The following GRID2 variants were observed in gnomAD, a reference collection of about 807,000 sequenced individuals.
GRID2 encodes glutamate ionotropic receptor delta type subunit 2.
Under a neutral mutation model 114.8 loss-of-function variants are expected in GRID2, and 33 were observed. The observed-to-expected ratio is 0.29, with a 90% CI of 0.22 to 0.38. The LOEUF is 0.38. Ranked by LOEUF, GRID2 falls within the 10% of genes least tolerant of loss-of-function variation. The pLI is 1.00. For synonymous variants in GRID2, 505 were observed against 449.9 expected, an observed-to-expected ratio of 1.12 and a Z score of -1.55; for missense variants, 1,184 against 1,257.7, an observed-to-expected ratio of 0.94 and a Z score of 0.89.
chr4:92,393,559 A>G (rs1317967364), intron 1 of GRID2, among the ~76,000 whole-genome samples: 1 of 152,154 alleles, frequency 6.6e-6, no homozygotes, highest in Non-Finnish European at 1.5e-5. Flanking sequence ...ACAGTTAATT[A>G]TGTAAGGAAA....
At chr4:92,396,495 A>G (rs1321918974) in intron 1 of GRID2, among the ~76,000 whole-genome samples, 1 of 152,016 alleles carries the variant, frequency 6.6e-6, no homozygotes, top group Non-Finnish European at 1.5e-5. Context: ...ATCTTCAATA[A>G]GCAATTTTTA....
intron 14 of GRID2, among the ~76,000 whole-genome samples, chr4:93,707,234 A>G (rs775244976): frequency 6.6e-6 from 1 of 152,098 alleles, no homozygotes; most frequent in Non-Finnish European, 1.5e-5. Context: ...GTTGGGATGT[A>G]TTCTCTCCTA....
At chr4:93,105,675 C>A (rs1579001658) in intron 3 of GRID2, among the ~76,000 whole-genome samples, 1 of 152,120 alleles carries the variant, frequency 6.6e-6, no homozygotes, top group South Asian at 2.1e-4. Flanking sequence ...CCTTTCTTCA[C>A]TCAAGATCTC....
At chr4:92,955,419 G>T (rs986024512) in intron 2 of GRID2, among the ~76,000 whole-genome samples, 19 of 152,112 alleles carry the variant, frequency 1.2e-4, no homozygotes, top group African/African-American at 4.6e-4. Flanking sequence ...GTCTTCTTTT[G>T]AGAAGTGTCT....
intron 2 of GRID2, among the ~76,000 whole-genome samples, chr4:92,796,916 T>G (rs1207535942): frequency 6.6e-6 from 1 of 151,926 alleles, no homozygotes; most frequent in Non-Finnish European, 1.5e-5. Context: ...AAAGCTATAT[T>G]TTTCATACAA....
intron 2 of GRID2, among the ~76,000 whole-genome samples, chr4:92,651,184 A>G (rs1202451387): frequency 1.3e-5 from 2 of 152,094 alleles, no homozygotes; most frequent in Non-Finnish European, 2.9e-5. Context: ...ATAAATGTCT[A>G]TTGCAATAAA....
chr4:93,691,805 C>T (rs1209172341), intron 14 of GRID2, among the ~76,000 whole-genome samples: 6 of 151,814 alleles, frequency 4.0e-5, no homozygotes, highest in Admixed American at 3.9e-4. Context: ...TAAGAATTTA[C>T]ATATATATAG....
At chr4:93,162,831 A>G (rs1329341140) in intron 4 of GRID2, among the ~76,000 whole-genome samples, 3 of 151,954 alleles carry the variant, frequency 2.0e-5, no homozygotes, top group Non-Finnish European at 4.4e-5. Flanking sequence ...AAGATAATAG[A>G]ACACCCAAGA....
At chr4:93,071,678 G>A (rs899281562) in intron 2 of GRID2, among the ~76,000 whole-genome samples, 1 of 152,090 alleles carries the variant, frequency 6.6e-6, no homozygotes. Context: ...GGTAACCAAT[G>A]AGTGAGCCAA....
chr4:93,126,433 C>G (rs2149368722), intron 4 of GRID2, among the ~76,000 whole-genome samples: 1 of 152,034 alleles, frequency 6.6e-6, no homozygotes, highest in Non-Finnish European at 1.5e-5. Flanking sequence ...ACAATTTGAA[C>G]CAGATAATTT....
At chr4:92,777,735 G>GA (rs766420473) in intron 2 of GRID2, among the ~76,000 whole-genome samples, 11,764 of 113,198 alleles carry the variant, frequency 0.1, 550 homozygotes, top group African/African-American at 0.17. Context: ...CATGTGCACA[G>GA]AAAAAAAAAA....
intron 14 of GRID2, among the ~76,000 whole-genome samples, chr4:93,760,325 T>A (rs1360743222): frequency 1.3e-5 from 2 of 152,130 alleles, no homozygotes; most frequent in Non-Finnish European, 2.9e-5. Flanking sequence ...ATACACAGAA[T>A]GGATGCCTTA....
intron 13 of GRID2, among the ~76,000 whole-genome samples, chr4:93,550,406 A>G (rs1055933957): frequency 6.6e-6 from 1 of 152,226 alleles, no homozygotes; most frequent in Non-Finnish European, 1.5e-5. Flanking sequence ...AACTTCCACT[A>G]ATATTAACCC....
chr4:93,273,613 TG>T (rs1751740477), intron 8 of GRID2, among the ~76,000 whole-genome samples: 1 of 152,022 alleles, frequency 6.6e-6, no homozygotes, highest in Non-Finnish European at 1.5e-5. Context: ...GAGGATTATC[TG>T]GGTAAGGCCA....
intron 14 of GRID2, among the ~76,000 whole-genome samples, chr4:93,630,461 A>G (rs1743142866): frequency 6.6e-6 from 1 of 152,200 alleles, no homozygotes; most frequent in South Asian, 2.1e-4. Context: ...TAAAAAGATA[A>G]CCAAAAAGTA....
chr4:92,825,864 T>A (rs1455656436), intron 2 of GRID2, among the ~76,000 whole-genome samples: 1 of 152,108 alleles, frequency 6.6e-6, no homozygotes, highest in Non-Finnish European at 1.5e-5. Flanking sequence ...ACTTAATTCA[T>A]TTTCTGGAGC....
At chr4:92,543,077 TA>T (rs1321633390) in intron 1 of GRID2, among the ~76,000 whole-genome samples, 2 of 152,110 alleles carry the variant, frequency 1.3e-5, no homozygotes, top group African/African-American at 4.8e-5. Flanking sequence ...AAGTGCAAGG[TA>T]TTCTGTCAGA....
At chr4:93,254,116 G>C (rs1480280366) in intron 8 of GRID2, among the ~76,000 whole-genome samples, 1 of 151,968 alleles carries the variant, frequency 6.6e-6, no homozygotes, top group Non-Finnish European at 1.5e-5. Flanking sequence ...TGCTCTTTTT[G>C]AGTAATTAGA....
At chr4:93,331,741 A>G (rs1304296225) in intron 8 of GRID2, among the ~76,000 whole-genome samples, 1 of 152,142 alleles carries the variant, frequency 6.6e-6, no homozygotes, top group Non-Finnish European at 1.5e-5. Flanking sequence ...GGTAGACTCT[A>G]TCAATTATCA....
Sources: allele counts gnomAD v4.1 joint callset (sites outside exome capture counted in the v4.1 genomes callset), GRCh38; gene constraint gnomAD v4.1.1; transcripts MANE v1.5; gene names NCBI Gene and HGNC (gene_info 2026-07-23, HGNC 2026-07-21).